The following ZFY variants were observed in gnomAD, a reference collection of about 807,000 sequenced individuals.
The protein encoded by ZFY is zinc finger Y-chromosomal protein.
For missense variants in ZFY, 113 were observed against 170.9 expected (o/e 0.66, Z 1.89); for synonymous variants, 47 against 55.8 (o/e 0.84, Z 0.71).
At chrY:2,976,386 G>C (rs773878026) in intron 5 of ZFY, among the ~76,000 whole-genome samples, 6 of 32,604 alleles carry the variant, frequency 1.8e-4, no homozygotes, top group Admixed American at 1.7e-3. Context: ...TGGGATTACA[G>C]GCGTGAGCCA....
chrY:2,945,338 C>G, intron 1 of ZFY, among the ~76,000 whole-genome samples: 14 of 30,005 alleles, frequency 4.7e-4, no homozygotes, highest in Non-Finnish European at 8.0e-4. Context: ...TTGTCCATAT[C>G]TTTTGTTCCC....
At chrY:2,969,404 G>T in intron 3 of ZFY, among the ~76,000 whole-genome samples, 1 of 33,283 alleles carries the variant, frequency 3.0e-5, no homozygotes, top group African/African-American at 1.2e-4. Flanking sequence ...AAAAGAGAAG[G>T]TATAATTTAG....
In ZFY at chrY:2,980,609, C is replaced by T. The variant is rs2051397418; in HGVS notation, c.*616C>T. 1 of 34,469 alleles carries T rather than the reference C, an allele frequency of 2.9e-5. No homozygotes were observed. Among genetic ancestry groups the T allele is most frequent in the Non-Finnish European group, 7.2e-5 (1 of 13,829 alleles). 8.6% of individuals were successfully genotyped at this position (34,469 alleles called of 400,897 possible). Reference sequence around the variant, plus strand: ...CATTAATAGTGTTTACATCTTTTGTCAGCACAGCAAACTTTTAGAAAGTAA... The same window carrying T: ...CATTAATAGTGTTTACATCTTTTGTTAGCACAGCAAACTTTTAGAAAGTAA... On this transcript the variant is annotated 3_prime_UTR_variant, in exon 8 of 8. Transcript: ENST00000155093.
At chrY:2,940,252 C>T (rs2051237599) in intron 1 of ZFY, among the ~76,000 whole-genome samples, 1 of 32,923 alleles carries the variant, frequency 3.0e-5, no homozygotes, top group Non-Finnish European at 7.5e-5. Context: ...TTGTTTTAAA[C>T]GTAGTATTTT....
intron 1 of ZFY, among the ~76,000 whole-genome samples, chrY:2,943,438 C>T: frequency 3.0e-5 from 1 of 33,895 alleles, no homozygotes; most frequent in Admixed American, 2.7e-4. Flanking sequence ...AGGCGTGTAC[C>T]ACCATGCTTG....
chrY:2,957,815 G>C (rs2051297566), intron 2 of ZFY, among the ~76,000 whole-genome samples: 1 of 33,908 alleles, frequency 2.9e-5, no homozygotes, highest in African/African-American at 1.1e-4. Flanking sequence ...GGTGCAGCTA[G>C]TTTCATAAGG....
chrY:2,969,561 G>A (rs2124511304), intron 3 of ZFY, among the ~76,000 whole-genome samples: 2 of 33,413 alleles, frequency 6.0e-5, no homozygotes, highest in African/African-American at 1.2e-4. Flanking sequence ...TGGGTTCTTC[G>A]TAAGGTGGGA....
chrY:2,951,958 G>T (rs746036805), intron 1 of ZFY, among the ~76,000 whole-genome samples: 2 of 26,129 alleles, frequency 7.7e-5, no homozygotes, highest in African/African-American at 3.0e-4. Context: ...TCGCTCTGTC[G>T]CCCAGGCTGG....
At chrY:2,973,590 CAG>C (rs2051356015) in intron 3 of ZFY, among the ~76,000 whole-genome samples, 1 of 33,191 alleles carries the variant, frequency 3.0e-5, no homozygotes, top group Non-Finnish European at 7.4e-5. Context: ...GGGCCCAGAA[CAG>C]AGAGAACATT....
intron 6 of ZFY, 131 bp from the exon 7 acceptor site, chrY:2,977,809 G>A (rs373290944): frequency 4.1e-5 from 1 of 24,259 alleles, no homozygotes; most frequent in Non-Finnish European, 8.1e-5. Context: ...AAAAAAAAAA[G>A]AATAAAAATA....
In ZFY at chrY:2,976,841, A is replaced by G. The variant is rs776910426; in HGVS notation, c.1081+19A>G. 38 of 386,362 alleles carry G rather than the reference A, an allele frequency of 9.8e-5. No individual in the cohort carries two copies. The highest frequency in any genetic ancestry group is 1.3e-4 in the African/African-American group (2 of 14,997). On this transcript the variant is annotated intron_variant, in intron 6 of 7. Coordinates refer to ENST00000155093, the MANE Select transcript of ZFY (RefSeq NM_003411.4). ...GCTTATGGTAACTTACATAGAAGCC[A>G]GAAGGATTGAGTAGTTTTTGAACAT...
chrY:2,960,297 C>T, intron 2 of ZFY, among the ~76,000 whole-genome samples: 3 of 32,268 alleles, frequency 9.3e-5, no homozygotes, highest in Admixed American at 8.6e-4. Flanking sequence ...GTGGAATACC[C>T]TGGCAAAATT....
intron 2 of ZFY, among the ~76,000 whole-genome samples, chrY:2,956,715 A>G: frequency 5.6e-5 from 1 of 17,721 alleles, no homozygotes; most frequent in African/African-American, 2.3e-4. Flanking sequence ...ATGGACAGAA[A>G]ACTTCTGATT....
At chrY:2,944,638 C>G (rs112078252) in intron 1 of ZFY, among the ~76,000 whole-genome samples, 21 of 29,398 alleles carry the variant, frequency 7.1e-4, no homozygotes, top group African/African-American at 2.5e-3. Context: ...GAGGGTTTCT[C>G]TCTTTCTGGA....
At chrY:2,950,765 A>G in intron 1 of ZFY, among the ~76,000 whole-genome samples, 1 of 33,883 alleles carries the variant, frequency 3.0e-5, no homozygotes, top group African/African-American at 1.2e-4. Flanking sequence ...AGGGATATGT[A>G]TATGACGTAA....
At chrY:2,963,917 A>G in intron 3 of ZFY, among the ~76,000 whole-genome samples, 1 of 32,609 alleles carries the variant, frequency 3.1e-5, no homozygotes, top group Non-Finnish European at 7.5e-5. Flanking sequence ...TAAGCTACCT[A>G]CTAGTTTTGC....
intron 1 of ZFY, among the ~76,000 whole-genome samples, chrY:2,939,004 TA>T (rs2051229275): frequency 2.1e-4 from 4 of 19,304 alleles, no homozygotes; most frequent in Admixed American, 4.4e-4. Context: ...TATATATATA[TA>T]TATATATATA....
chrY:2,969,149 T>C (rs2051340001), intron 3 of ZFY, among the ~76,000 whole-genome samples: 1 of 33,781 alleles, frequency 3.0e-5, no homozygotes, highest in Non-Finnish European at 7.3e-5. Flanking sequence ...GGTGAACAGA[T>C]TCAGTGAAAT....
Position 2,977,892 on chromosome Y carries a change from T to C in ZFY, c.1082-48T>C, listed in dbSNP as rs758858369. 8.4e-6 allele frequency: 3 copies of C among 359,091 alleles called. No homozygotes were observed. The Admixed American group carries it at 2.8e-4, about 34-fold the overall frequency. The allele number at this position is 359,091 out of a possible 400,897, so 89.6% of individuals were successfully genotyped here. A position where few individuals can be genotyped will look rare whatever the true frequency, so the allele number is the denominator to read the frequency against. On this transcript the variant is annotated intron_variant, in intron 6 of 7. Coordinates refer to ENST00000155093, the MANE Select transcript of ZFY (RefSeq NM_003411.4). Reference sequence around the variant, plus strand: ...TGTTAATAAAGAATTCGTAATTCTTTAGAATTTATAATGTTGTGTAATTCT... The same window carrying C: ...TGTTAATAAAGAATTCGTAATTCTTCAGAATTTATAATGTTGTGTAATTCT...
Sources: gnomAD v4.1 joint callset for allele counts (sites outside exome capture counted in the v4.1 genomes callset) on GRCh38, gnomAD v4.1.1 for gene constraint, MANE v1.5 for transcripts, NCBI Gene and HGNC (gene_info 2026-07-23, HGNC 2026-07-21) for gene names.